Variants in EXTL3 observed in about 807,000 individuals in gnomAD.
The protein encoded by EXTL3 is exostosin like glycosyltransferase 3, also known as exostosin-like 3.
In EXTL3, 27 loss-of-function variants were observed where a neutral mutation model predicts 69.3. The observed-to-expected ratio is 0.39, with a 90% CI of 0.29 to 0.54. EXTL3 has a LOEUF of 0.54. EXTL3 is among the 20% of genes least tolerant of loss of function. The probability of loss-of-function intolerance (pLI) is 0.69; values close to 1 mark genes in which losing one functional copy is unlikely to be tolerated. For missense variants in EXTL3, 1,003 were observed against 1,231.8 expected (o/e 0.81, Z 2.78); for synonymous variants, 511 against 499.4 (o/e 1.02, Z -0.31).
At chr8:28,615,780 G>T (rs953208406) in intron 2 of EXTL3, among the ~76,000 whole-genome samples, 1 of 151,802 alleles carries the variant, frequency 6.6e-6, no homozygotes, top group Admixed American at 6.6e-5. Flanking sequence ...TACCATGTTG[G>T]CCAGGCTGGT....
intron 1 of EXTL3, among the ~76,000 whole-genome samples, chr8:28,673,363 T>C (rs867333288): frequency 6.6e-6 from 1 of 152,188 alleles, no homozygotes; most frequent in African/African-American, 2.4e-5. Flanking sequence ...TTCTGTAAAG[T>C]AGATTGCCTT....
At chr8:28,611,420 C>G (rs1214870143) in intron 2 of EXTL3, among the ~76,000 whole-genome samples, 1 of 152,090 alleles carries the variant, frequency 6.6e-6, no homozygotes, top group Non-Finnish European at 1.5e-5. Flanking sequence ...TGCCACTGCA[C>G]TCCAGCCTGG....
chr8:28,713,588 C>T (rs1015261200), intron 2 of EXTL3, 38 bp downstream of exon 2: 18 of 693,904 alleles, frequency 2.6e-5, no homozygotes, highest in African/African-American at 5.3e-5. Flanking sequence ...GCTGTGATTA[C>T]GCCTTCTTTT....
chr8:28,670,813 C>CTTT (rs1807274201), intron 1 of EXTL3, among the ~76,000 whole-genome samples: 1 of 152,170 alleles, frequency 6.6e-6, no homozygotes, highest in African/African-American at 2.4e-5. Context: ...ACACTCCTGA[C>CTTT]CCAATCAAGC....
intron 2 of EXTL3, among the ~76,000 whole-genome samples, chr8:28,615,377 C>T (rs1376188099): frequency 1.3e-5 from 2 of 152,112 alleles, no homozygotes; most frequent in Non-Finnish European, 2.9e-5. Context: ...GTGAATTCAT[C>T]TATTTCTTCT....
chr8:28,722,676 A>C (rs1231209444), intron 3 of EXTL3, among the ~76,000 whole-genome samples: 1 of 145,356 alleles, frequency 6.9e-6, no homozygotes, highest in East Asian at 2.2e-4. Context: ...TGGGAAGCCG[A>C]GGTGAGGGGA....
At chr8:28,742,789 C>T in intron 5 of EXTL3, 1 of 357,538 alleles carries the variant, frequency 2.8e-6, no homozygotes, top group South Asian at 2.6e-5. Flanking sequence ...GAACCAGCAT[C>T]TGACCTAGTT....
At chr8:28,719,779 C>T (rs1585277242) in intron 3 of EXTL3, among the ~76,000 whole-genome samples, 1 of 152,122 alleles carries the variant, frequency 6.6e-6, no homozygotes, top group Admixed American at 6.5e-5. Context: ...AATAATAGAG[C>T]AGCCATTGTT....
intron 2 of EXTL3, among the ~76,000 whole-genome samples, chr8:28,612,060 T>G (rs1393032176): frequency 6.6e-6 from 1 of 152,216 alleles, no homozygotes; most frequent in Non-Finnish European, 1.5e-5. Flanking sequence ...AGTGGCGTGA[T>G]GTTTGTTCAA....
At chr8:28,679,678 A>G (rs1807450273) in intron 1 of EXTL3, among the ~76,000 whole-genome samples, 1 of 151,400 alleles carries the variant, frequency 6.6e-6, no homozygotes. Flanking sequence ...AGCTATGATC[A>G]TGCCACTGCA....
At chr8:28,690,224 C>CT (rs1042957301) in intron 1 of EXTL3, among the ~76,000 whole-genome samples, 23 of 150,738 alleles carry the variant, frequency 1.5e-4, no homozygotes, top group South Asian at 4.2e-4. Flanking sequence ...TTTCTTTTTT[C>CT]TTTTTTTTGA....
At chr8:28,709,454 A>T (rs546006381) in intron 1 of EXTL3, among the ~76,000 whole-genome samples, 1 of 152,152 alleles carries the variant, frequency 6.6e-6, no homozygotes, top group African/African-American at 2.4e-5. Context: ...CGTGGAAGGC[A>T]TAACAGCCAG....
chr8:28,737,618 C>G lies in EXTL3; in HGVS notation c.2376C>G (p.Ser792=). 1 of 1,614,154 alleles carries G rather than the reference C, an allele frequency of 6.2e-7. No homozygotes were observed. The highest frequency in any genetic ancestry group is 2.2e-5 in the East Asian group (1 of 44,882). Residue 792 remains serine (S), a synonymous_variant, in exon 5 of 7, where the codon TCC becomes TCG. Coordinates refer to ENST00000220562, the MANE Select transcript of EXTL3 (RefSeq NM_001440.4). ...HQSWLYNSNY[S]CELSMVLTGA... Reference sequence around the variant, plus strand: ...CCTGGCTCTACAACTCCAACTACTCCTGTGAGCTGTCCATGGTGCTGACAG... The same window carrying G: ...CCTGGCTCTACAACTCCAACTACTCGTGTGAGCTGTCCATGGTGCTGACAG...
chr8:28,658,533 C>T (rs1362029893), intron 1 of EXTL3, among the ~76,000 whole-genome samples: 2 of 152,142 alleles, frequency 1.3e-5, no homozygotes, highest in African/African-American at 2.4e-5. Flanking sequence ...CTGTTCCCCC[C>T]CTGCCCCCGC....
At position 28,716,528 on chromosome 8, in the gene EXTL3, A is replaced by T; in HGVS notation, c.469A>T (p.Ile157Phe). The T allele has an allele frequency of 2.5e-6, 4 of 1,614,080 alleles. No individual in the cohort carries two copies. The highest frequency in any genetic ancestry group is 3.4e-6 in the Non-Finnish European group (4 of 1,180,032). Residue 157 changes from isoleucine to phenylalanine, a missense_variant, in exon 3 of 7, where the codon ATC (isoleucine) becomes TTC (phenylalanine). Physicochemically the swap from Ile to Phe is conservative, Grantham distance 21 (BLOSUM62 0). Around this residue, in one of 2 missense-constraint regions of EXTL3, gnomAD observed 742 missense variants for 815.4 expected, o/e 0.91. Coordinates refer to ENST00000220562, the MANE Select transcript of EXTL3 (RefSeq NM_001440.4). This position sits in a 1 kb window ranked among gnomAD's most constrained non-coding sequence, Gnocchi z 7.1. Reference sequence around the variant, plus strand: ...GAACCAGCCCAAGCTGTCCCTGCCCATCCGACTGCTCCCAGAGAAGGACGA... The same window carrying T: ...GAACCAGCCCAAGCTGTCCCTGCCCTTCCGACTGCTCCCAGAGAAGGACGA... ...AQNQPKLSLP[I>F]RLLPEKDDAG...
rs1359925478 is a variant in EXTL3, at chr8:28,717,976, T to C, written c.1917T>C (p.Ile639=). 4 of 1,614,020 alleles carry C rather than the reference T, an allele frequency of 2.5e-6. No homozygotes were observed. The change falls in exon 3 of 7, where the codon ATT becomes ATC. Residue 639 remains isoleucine, a synonymous_variant. Transcript: ENST00000220562. This position sits in a 1 kb window ranked among gnomAD's most constrained non-coding sequence, Gnocchi z 8.3. Reference sequence around the variant, plus strand: ...GCTCAGGGACTGGCTTTCGGCCTATTGGTGGTGGAGCTGGGGGTTCTGGCA... The same window carrying C: ...GCTCAGGGACTGGCTTTCGGCCTATCGGTGGTGGAGCTGGGGGTTCTGGCA... ...FLGSGTGFRP[I]GGGAGGSGKE...
intron 1 of EXTL3, among the ~76,000 whole-genome samples, chr8:28,686,240 C>T (rs969593868): frequency 1.3e-4 from 19 of 151,584 alleles, no homozygotes; most frequent in African/African-American, 4.4e-4. Context: ...ACTTGTAATC[C>T]CAGCATTTTG....
intron 1 of EXTL3, among the ~76,000 whole-genome samples, chr8:28,702,614 C>T (rs577390566): frequency 7.5e-6 from 1 of 132,956 alleles, no homozygotes; most frequent in South Asian, 2.6e-4. Context: ...ATTTTTCTTC[C>T]CTTTTTAAAA....
chr8:28,692,303 T>C (rs1800627069), intron 1 of EXTL3, among the ~76,000 whole-genome samples: 1 of 152,188 alleles, frequency 6.6e-6, no homozygotes, highest in African/African-American at 2.4e-5. Context: ...ATCTATGGCA[T>C]AGTGTTTGCA....
Sources: gnomAD v4.1 joint callset for allele counts (sites outside exome capture counted in the v4.1 genomes callset) on GRCh38, gnomAD v4.1.1 for gene constraint, gnomAD v4.1.1 regional missense constraint, Gnocchi (gnomAD v3.1) non-coding constraint, MANE v1.5 for transcripts, NCBI Gene and HGNC (gene_info 2026-07-23, HGNC 2026-07-21) for gene names.